NEDD1: variants seen among roughly 807,000 people sequenced by gnomAD.
NEDD1 encodes NEDD1 gamma-tubulin ring complex targeting factor, also known as protein NEDD1.
Under a neutral mutation model 74.0 loss-of-function variants are expected in NEDD1, and 33 were observed. The observed-to-expected ratio is 0.45, with a 90% CI of 0.34 to 0.60. The LOEUF (loss-of-function observed/expected upper bound fraction) is 0.60. Ranked by LOEUF, NEDD1 falls within the 20% of genes least tolerant of loss-of-function variation. NEDD1 has a pLI of 0.01. For synonymous variants in NEDD1, 250 were observed against 264.4 expected (o/e 0.95, Z 0.53); for missense variants, 746 against 776.5 (o/e 0.96, Z 0.47).
chr12:96,939,227 A>C (rs1877422940), intron 9 of NEDD1, among the ~76,000 whole-genome samples: 1 of 152,066 alleles, frequency 6.6e-6, no homozygotes, highest in African/African-American at 2.4e-5. Context: ...TTAGTTTTAG[A>C]AGGAAATCAC....
intron 6 of NEDD1, among the ~76,000 whole-genome samples, chr12:96,932,463 A>AAATATAT: frequency 1.1e-4 from 1 of 9,444 alleles, no homozygotes; most frequent in Non-Finnish European, 2.0e-4. Flanking sequence ...AAAAAAAAAA[A>AAATATAT]ATATATATAT....
At chr12:96,917,175 A>G (rs898700258) in intron 4 of NEDD1, among the ~76,000 whole-genome samples, 2 of 152,168 alleles carry the variant, frequency 1.3e-5, no homozygotes, top group South Asian at 4.1e-4. Flanking sequence ...AACTTATCCC[A>G]TCGGTAAAAT....
intron 9 of NEDD1, 67 bp from the exon 10 acceptor site, chr12:96,940,342 C>T: frequency 3.2e-6 from 3 of 940,802 alleles, no homozygotes; most frequent in Non-Finnish European, 3.2e-6. Flanking sequence ...TTAATTTTTA[C>T]AACCTAGCTT....
intron 6 of NEDD1, among the ~76,000 whole-genome samples, chr12:96,933,242 T>C (rs1876741230): frequency 6.6e-6 from 1 of 152,154 alleles, no homozygotes; most frequent in African/African-American, 2.4e-5. Context: ...ACTTCGAGAA[T>C]CTACCAGGTC....
chr12:96,907,844 T>C lies in NEDD1; in HGVS notation c.-21T>C, dbSNP rs886293199. Reference sequence around the variant, plus strand: ...AAGTCTCTCCCTTAATGCTCAGTTCTTAGAAGACCGAGGTAGGTGGGCAGA... The same window carrying C: ...AAGTCTCTCCCTTAATGCTCAGTTCCTAGAAGACCGAGGTAGGTGGGCAGA... On this transcript the variant is annotated 5_prime_UTR_variant, in exon 2 of 16. Transcript: ENST00000266742. The C allele has an allele frequency of 7.3e-7, 1 of 1,364,960 alleles. No individual in the cohort carries two copies. The highest frequency in any genetic ancestry group is 1.5e-5 in the African/African-American group (1 of 68,168). 84.6% of individuals were successfully genotyped at this position (1,364,960 alleles called of 1,614,324 possible). A position where few individuals can be genotyped will look rare whatever the true frequency, so the allele number is the denominator to read the frequency against.
At chr12:96,936,380 G>A (rs1877090138) in intron 7 of NEDD1, among the ~76,000 whole-genome samples, 1 of 120,374 alleles carries the variant, frequency 8.3e-6, no homozygotes, top group Admixed American at 8.2e-5. Flanking sequence ...CCTATTGGAA[G>A]TGAATAGAAA....
intron 10 of NEDD1, among the ~76,000 whole-genome samples, chr12:96,941,425 A>C (rs907146861): frequency 2.0e-5 from 3 of 152,100 alleles, no homozygotes; most frequent in African/African-American, 7.2e-5. Context: ...CTTCTGCCTT[A>C]CCCTGGCCTG....
Position 96,917,767 on chromosome 12 carries a change from A to T in NEDD1, c.348+30A>T, listed in dbSNP as rs776705022. ...GCAATTTAAAAAAAATCTTCATGAAAAAATGGATATCTTAATGCATTTAGA... is the reference window on the plus strand; with the variant it reads ...GCAATTTAAAAAAAATCTTCATGAATAAATGGATATCTTAATGCATTTAGA... On this transcript the variant is annotated intron_variant, in intron 5 of 15. Coordinates refer to ENST00000266742, the MANE Select transcript of NEDD1 (RefSeq NM_152905.4). 5.9e-6 allele frequency: 9 copies of T among 1,536,478 alleles called. No individual in the cohort carries two copies. In the East Asian group the frequency reaches 2.2e-4, roughly 38 times the overall value.
intron 2 of NEDD1, among the ~76,000 whole-genome samples, chr12:96,908,481 A>G (rs895192149): frequency 2.0e-5 from 3 of 152,100 alleles, no homozygotes; most frequent in African/African-American, 7.2e-5. Context: ...ACTTTTGAGC[A>G]TCTTTTTTTC....
At position 96,907,850 on chromosome 12, in the gene NEDD1, G is replaced by A. The variant is rs772521705; in HGVS notation, c.-15G>A. The A allele has an allele frequency of 5.2e-6, 7 of 1,352,268 alleles. No individual in the cohort carries two copies. The highest frequency in any genetic ancestry group is 2.9e-5 in the African/African-American group (2 of 67,892). The allele number at this position is 1,352,268 out of a possible 1,614,324, so 83.8% of individuals were successfully genotyped here. On this transcript the variant is annotated 5_prime_UTR_variant, in exon 2 of 16. Coordinates refer to ENST00000266742, the MANE Select transcript of NEDD1 (RefSeq NM_152905.4). The stretch of plus-strand genomic sequence containing the variant: ...CTCCCTTAATGCTCAGTTCTTAGAA[G>A]ACCGAGGTAGGTGGGCAGATGGTCC...
At chr12:96,943,483 C>G in intron 11 of NEDD1, 77 bp from the exon 12 acceptor site, 1 of 906,484 alleles carries the variant, frequency 1.1e-6, no homozygotes, top group Non-Finnish European at 1.8e-6. Flanking sequence ...GTTAATCTGC[C>G]TATCATGTTA....
At chr12:96,926,593 A>G (rs1304234280) in intron 6 of NEDD1, among the ~76,000 whole-genome samples, 1 of 150,684 alleles carries the variant, frequency 6.6e-6, no homozygotes, top group Admixed American at 6.6e-5. Context: ...TGCAAGCAGT[A>G]CTGCCTGTTT....
At chr12:96,951,561 A>G in intron 15 of NEDD1, 63 bp downstream of exon 15, 1 of 865,086 alleles carries the variant, frequency 1.2e-6, no homozygotes, top group Non-Finnish European at 1.9e-6. Flanking sequence ...AATTTTTAAA[A>G]ATCCATGAAA....
At position 96,930,203 on chromosome 12, in the gene NEDD1, ACACACACACTCTCT is replaced by A. The variant is rs1468548434; in HGVS notation, c.490-4771_490-4758del. On this transcript the variant is annotated intron_variant, in intron 6 of 15. Transcript: ENST00000266742. ...CACACACACACACACACACACACAC[ACACACACACTCTCT>A]CTCTCTCTCTCTCTCTCTCTCTCTC... Among the ~76,000 whole-genome samples, 130 of 67,196 alleles carry A rather than the reference ACACACACACTCTCT, an allele frequency of 1.9e-3. 1 individual carries two copies. The highest frequency in any genetic ancestry group is 7.1e-3 in the African/African-American group (128 of 18,074). 44.1% of individuals were successfully genotyped at this position (67,196 alleles called of 152,430 possible).
chr12:96,931,894 C>G lies in NEDD1; in HGVS notation c.490-3082C>G, dbSNP rs183420461. ...AGTGGGATTATGGATGGTTTTTCTT[C>G]TTTGTGATAAAAAAAATTTTTTTCT... On this transcript the variant is annotated intron_variant, in intron 6 of 15. Coordinates refer to ENST00000266742, the MANE Select transcript of NEDD1 (RefSeq NM_152905.4). Among the ~76,000 whole-genome samples, 21 of 152,102 alleles carry G rather than the reference C, an allele frequency of 1.4e-4. No homozygotes were observed. In the East Asian group the frequency reaches 3.7e-3, roughly 27 times the overall value.
At chr12:96,942,486 C>A in intron 10 of NEDD1, 91 bp from the exon 11 acceptor site, 1 of 713,016 alleles carries the variant, frequency 1.4e-6, no homozygotes, top group South Asian at 1.7e-5. Context: ...GATTGTTAGT[C>A]TCTGAACTCT....
chr12:96,926,169 A>C (rs184815480), intron 6 of NEDD1, among the ~76,000 whole-genome samples: 33 of 152,192 alleles, frequency 2.2e-4, no homozygotes, highest in African/African-American at 7.2e-4. Flanking sequence ...TTTGTGATTT[A>C]CTTCTCTAAA....
intron 6 of NEDD1, among the ~76,000 whole-genome samples, chr12:96,922,402 T>A (rs1284403196): frequency 6.6e-6 from 1 of 152,198 alleles, no homozygotes; most frequent in Non-Finnish European, 1.5e-5. Flanking sequence ...AGAGTAACTT[T>A]CTTTTTTTGT....
chr12:96,935,172 A>G lies in NEDD1; in HGVS notation c.686A>G (p.Lys229Arg), dbSNP rs770540675. The change falls in exon 7 of 16, where the codon AAA (lysine) becomes AGA (arginine). Residue 229 changes from lysine (K) to arginine (R), a missense_variant. Physicochemically the swap from Lys to Arg is conservative, Grantham distance 26. Transcript: ENST00000266742. ...CTCTTTGTAACCATAGGCTTGGATAAAAGAATCATCCTCTATGACACTTCA... is the reference window on the plus strand; with the variant it reads ...CTCTTTGTAACCATAGGCTTGGATAGAAGAATCATCCTCTATGACACTTCA... Reference protein sequence around the residue: ...ELLFVTIGLDKRIILYDTSSK... With the variant: ...ELLFVTIGLDRRIILYDTSSK... 6 of 1,607,980 alleles carry G rather than the reference A, an allele frequency of 3.7e-6. No homozygotes were observed. In the Admixed American group the frequency reaches 1.0e-4, roughly 27 times the overall value.
Sources: gnomAD v4.1 joint callset for allele counts (sites outside exome capture counted in the v4.1 genomes callset) on GRCh38, gnomAD v4.1.1 for gene constraint, MANE v1.5 for transcripts, NCBI Gene and HGNC (gene_info 2026-07-23, HGNC 2026-07-21) for gene names.